Variants in C10orf90 observed in about 807,000 individuals in gnomAD.
C10orf90 encodes the protein chromosome 10 open reading frame 90, also known as (E2-independent) E3 ubiquitin-conjugating enzyme FATS.
A neutral mutation model predicts 62.5 loss-of-function variants in C10orf90; 56 were observed. That is an observed-to-expected ratio of 0.90 (90% CI 0.72 to 1.12). The LOEUF is 1.12. Ranked by LOEUF, C10orf90 falls within the 50% of genes most tolerant of loss-of-function variation. The pLI is 0.00. For missense variants in C10orf90, 970 were observed against 880.4 expected (o/e 1.10, Z -1.29); for synonymous variants, 386 against 340.4 (o/e 1.13, Z -1.47).
chr10:126,462,005 A>G (rs1436044883), intron 5 of C10orf90, among the ~76,000 whole-genome samples: 8 of 152,194 alleles, frequency 5.3e-5, no homozygotes, highest in Non-Finnish European at 8.8e-5. Flanking sequence ...GTATTCAATT[A>G]TAGAGCCCTC....
intron 2 of C10orf90, among the ~76,000 whole-genome samples, chr10:126,550,413 T>A (rs1055898054): frequency 6.6e-6 from 1 of 152,160 alleles, no homozygotes; most frequent in Non-Finnish European, 1.5e-5. Context: ...CTGTCTTGAG[T>A]ATACCAATGG....
intron 2 of C10orf90, among the ~76,000 whole-genome samples, chr10:126,517,194 G>T (rs1436799): frequency 0.89 from 135,241 of 152,206 alleles, 60,278 homozygotes; most frequent in African/African-American, 0.96. Flanking sequence ...TTTAAAATAA[G>T]GAATATAAAG....
chr10:126,668,828 A>G (rs1251527773), intron 1 of C10orf90, among the ~76,000 whole-genome samples: 1 of 152,168 alleles, frequency 6.6e-6, no homozygotes, highest in African/African-American at 2.4e-5. Flanking sequence ...GGGCCCTGAA[A>G]AAAATGTAGC....
intron 1 of C10orf90, among the ~76,000 whole-genome samples, chr10:126,655,422 C>A (rs533219997): frequency 6.6e-6 from 1 of 152,054 alleles, no homozygotes; most frequent in African/African-American, 2.4e-5. Flanking sequence ...TAAAATGTGA[C>A]ACAGAGACAC....
Position 126,504,015 on chromosome 10 carries a change from G to A in C10orf90, c.1476C>T (p.His492=), listed in dbSNP as rs73373045. ...ACAGTTGGTTGGCATGATCGCTGGCGTGACAATGAGTTGTATGGTCCTTTT... is the reference window on the plus strand; with the variant it reads ...ACAGTTGGTTGGCATGATCGCTGGCATGACAATGAGTTGTATGGTCCTTTT... ...KGEKDHTTHC[H]ASDHANQLSI... is the part of the protein sequence containing the mutation. The change falls in exon 4 of 10, where the codon CAC becomes CAT. Residue 492 remains histidine (H), a synonymous_variant. Transcript: ENST00000488181. This position sits in a 1 kb window ranked among gnomAD's most constrained non-coding sequence, Gnocchi z 4.1. The A allele has an allele frequency of 2.7e-3, 4,410 of 1,613,852 alleles. 73 individuals are homozygous for A. The African/African-American group carries it at 0.045, about 16-fold the overall frequency.
chr10:126,441,041 A>G lies in C10orf90; in HGVS notation c.2189-11191T>C, dbSNP rs1385388932. The stretch of plus-strand genomic sequence containing the variant: ...GATCCAAACCAAGAATAAATACCTA[A>G]TTTATCTGAAAAAAGAATTCAGGAG... On this transcript the variant is annotated intron_variant, in intron 7 of 9. Transcript: ENST00000488181. Among the ~76,000 whole-genome samples the G allele has an allele frequency of 2.0e-5, 3 of 152,178 alleles. No individual in the cohort carries two copies. The East Asian group carries it at 5.8e-4, about 29-fold the overall frequency.
rs775678581 is a variant in C10orf90, at chr10:126,426,073, G to T, written c.2270C>A (p.Pro757Gln). Residue 757 changes from proline to glutamine, a missense_variant, in exon 9 of 10, where the codon CCG (proline) becomes CAG (glutamine). Coordinates refer to ENST00000488181, the MANE Select transcript of C10orf90 (RefSeq NM_001350921.2). ...TTCTTCTTTTTTCTTTTTAACTTCC[G>T]GCAAGTTATCATAGATTCTGAAACA... is the stretch of plus-strand genomic sequence containing the variant. ...MRSKRIYDNL[P>Q]EVKKKKEEQR... 3.7e-6 allele frequency: 6 copies of T among 1,613,718 alleles called. No individual in the cohort carries two copies. The South Asian group carries it at 6.6e-5, about 18-fold the overall frequency.
In C10orf90 at chr10:126,485,025, A is replaced by G. The variant is rs564354445; in HGVS notation, c.1534+18932T>C. Among the ~76,000 whole-genome samples, 4 of 152,370 alleles carry G rather than the reference A, an allele frequency of 2.6e-5. No individual in the cohort carries two copies. In the South Asian group the frequency reaches 6.2e-4, roughly 24 times the overall value. ...GAATAGACATGGTACAATGGACTGA[A>G]GTTCATGTTCGTACCAAATTCATAT... is the stretch of plus-strand genomic sequence containing the variant. On this transcript the variant is annotated intron_variant, in intron 4 of 9. Coordinates refer to ENST00000488181, the MANE Select transcript of C10orf90 (RefSeq NM_001350921.2).
intron 2 of C10orf90, among the ~76,000 whole-genome samples, chr10:126,540,682 A>G (rs1206321200): frequency 6.7e-6 from 1 of 149,760 alleles, no homozygotes; most frequent in Non-Finnish European, 1.5e-5. Context: ...AAAAAAAAAA[A>G]AAGAACCAAG....
intron 2 of C10orf90, among the ~76,000 whole-genome samples, chr10:126,580,736 G>A (rs1269140320): frequency 6.6e-6 from 1 of 151,096 alleles, no homozygotes. Context: ...TGTATGTATT[G>A]TGTTTGTGTG....
At chr10:126,469,836 G>T (rs1860473533) in intron 4 of C10orf90, 1 of 456,392 alleles carries the variant, frequency 2.2e-6, no homozygotes, top group South Asian at 1.5e-5. Flanking sequence ...GGTGTCTGTT[G>T]AACACCCACT....
At chr10:126,647,016 T>C (rs1232745461) in intron 1 of C10orf90, among the ~76,000 whole-genome samples, 1 of 152,180 alleles carries the variant, frequency 6.6e-6, no homozygotes, top group Non-Finnish European at 1.5e-5. Flanking sequence ...TCAATAAATA[T>C]TGATAAATTG....
chr10:126,524,290 C>CTTGTTT (rs1189725256), intron 2 of C10orf90, among the ~76,000 whole-genome samples: 1 of 152,262 alleles, frequency 6.6e-6, no homozygotes, highest in Admixed American at 6.5e-5. Context: ...GAATGAGGGT[C>CTTGTTT]TTGTTTTCAG....
At chr10:126,568,211 C>T (rs542251517) in intron 2 of C10orf90, among the ~76,000 whole-genome samples, 4 of 152,316 alleles carry the variant, frequency 2.6e-5, no homozygotes, top group African/African-American at 9.6e-5. Context: ...AGAAGTCAGG[C>T]CGGACCCAAC....
intron 7 of C10orf90, among the ~76,000 whole-genome samples, chr10:126,440,431 C>T (rs2134020776): frequency 6.6e-6 from 1 of 152,240 alleles, no homozygotes; most frequent in African/African-American, 2.4e-5. Flanking sequence ...AGCTCTGCCC[C>T]CAGCTGATGG....
chr10:126,667,905 G>A (rs1846664755), intron 1 of C10orf90, among the ~76,000 whole-genome samples: 1 of 152,122 alleles, frequency 6.6e-6, no homozygotes, highest in African/African-American at 2.4e-5. Context: ...TTGAAAATAT[G>A]AACCCAGGGA....
intron 4 of C10orf90, among the ~76,000 whole-genome samples, chr10:126,491,490 C>G (rs905750244): frequency 3.3e-5 from 5 of 151,990 alleles, no homozygotes; most frequent in African/African-American, 4.8e-5. Context: ...AGTACAGAAC[C>G]GGGTCTTTTT....
intron 7 of C10orf90, among the ~76,000 whole-genome samples, chr10:126,440,357 C>A (rs1207766471): frequency 6.6e-6 from 1 of 152,146 alleles, no homozygotes; most frequent in Non-Finnish European, 1.5e-5. Flanking sequence ...GGAACCTCAT[C>A]CCCTATCCGC....
At chr10:126,503,182 T>A (rs1163946202) in intron 4 of C10orf90, among the ~76,000 whole-genome samples, 2 of 152,148 alleles carry the variant, frequency 1.3e-5, no homozygotes, top group African/African-American at 4.8e-5. Flanking sequence ...AAGAAAGAAA[T>A]CTGGCCTCTT....
Sources: allele counts gnomAD v4.1 joint callset (sites outside exome capture counted in the v4.1 genomes callset), GRCh38; gene constraint gnomAD v4.1.1; non-coding constraint Gnocchi (gnomAD v3.1); transcripts MANE v1.5; gene names NCBI Gene and HGNC (gene_info 2026-07-23, HGNC 2026-07-21).